The following ZNF236 variants were observed in gnomAD, a reference collection of about 807,000 sequenced individuals.
ZNF236 encodes zinc finger protein 236, also known as regulated by glucose.
Under a neutral mutation model 191.2 loss-of-function variants are expected in ZNF236, and 50 were observed. That is an observed-to-expected ratio of 0.26 (90% CI 0.21 to 0.33). The LOEUF (loss-of-function observed/expected upper bound fraction) is 0.33, where lower values mean the gene tolerates loss of function less well. Ranked by LOEUF, ZNF236 falls within the 10% of genes least tolerant of loss-of-function variation. The pLI, the probability that ZNF236 is intolerant of heterozygous loss-of-function variation, is 1.00. For missense variants in ZNF236, 1,754 were observed against 2,374.5 expected (o/e 0.74, Z 5.43); for synonymous variants, 907 against 928.8 (o/e 0.98, Z 0.43).
intron 25 of ZNF236, among the ~76,000 whole-genome samples, chr18:76,933,363 G>A (rs1334421551): frequency 3.3e-5 from 5 of 151,836 alleles, no homozygotes; most frequent in African/African-American, 9.7e-5. Flanking sequence ...CCAGCTACTC[G>A]GGAGGCTGAG....
chr18:76,915,623 T>G (rs1158287275), intron 18 of ZNF236, 24 bp from the exon 19 acceptor site: 1 of 1,610,334 alleles, frequency 6.2e-7, no homozygotes, highest in East Asian at 2.2e-5. Context: ...GTTCCAGCCG[T>G]TTTTTCTGTT....
chr18:76,919,682 C>T lies in ZNF236; in HGVS notation c.3275-94C>T, dbSNP rs957457100. The T allele has an allele frequency of 2.1e-6, 3 of 1,406,308 alleles. No individual in the cohort carries two copies. The highest frequency in any genetic ancestry group is 2.1e-5 in the Admixed American group (1 of 48,482). 87.1% of individuals were successfully genotyped at this position (1,406,308 alleles called of 1,614,324 possible). ...ATAGCTTGGTTGAGTTATTAATTTT[C>T]ATTACATACATACCTATTTAGTTTT... On this transcript the variant is annotated intron_variant, in intron 19 of 30. Transcript: ENST00000320610. This position sits in a 1 kb window ranked among gnomAD's most constrained non-coding sequence, Gnocchi z 5.3.
chr18:76,948,322 A>G (rs954328238), intron 27 of ZNF236, among the ~76,000 whole-genome samples: 2 of 152,206 alleles, frequency 1.3e-5, no homozygotes, highest in African/African-American at 2.4e-5. Context: ...TCTGTAGAAC[A>G]AGGGCTTTTT....
Position 76,875,764 on chromosome 18 carries a change from A to T in ZNF236, c.840+100A>T. The T allele has an allele frequency of 8.0e-7, 1 of 1,248,930 alleles. No homozygotes were observed. 77.4% of individuals were successfully genotyped at this position (1,248,930 alleles called of 1,614,324 possible). On this transcript the variant is annotated intron_variant, in intron 6 of 30. Transcript: ENST00000320610. The surrounding 1 kb of genome is among the most constrained non-coding windows in gnomAD (Gnocchi z 4.3). ...GAGAAATTCTTTTCCATTTAAAAAA[A>T]TGCAGATTGATTTTGTGCCGAGCAG...
intron 1 of ZNF236, among the ~76,000 whole-genome samples, chr18:76,836,847 G>A (rs1379007394): frequency 1.3e-5 from 2 of 151,692 alleles, no homozygotes; most frequent in South Asian, 2.1e-4. Context: ...AAAGTGCGGG[G>A]ATTACAGGCG....
intron 26 of ZNF236, among the ~76,000 whole-genome samples, chr18:76,937,933 T>C (rs1339953259): frequency 6.6e-6 from 1 of 152,222 alleles, no homozygotes; most frequent in African/African-American, 2.4e-5. Context: ...AGGTGAATTA[T>C]AACAAAGCTA....
chr18:76,905,094 G>A, intron 12 of ZNF236, 61 bp from the exon 13 acceptor site: 1 of 1,489,582 alleles, frequency 6.7e-7, no homozygotes, highest in Admixed American at 2.1e-5. Flanking sequence ...GTGCATTCTA[G>A]TCACAAAGCA....
At position 76,927,070 on chromosome 18, in the gene ZNF236, G is replaced by C; in HGVS notation, c.4061G>C (p.Gly1354Ala). The C allele has an allele frequency of 6.2e-7, 1 of 1,613,576 alleles. No homozygotes were observed. The highest frequency in any genetic ancestry group is 1.1e-5 in the South Asian group (1 of 91,054). Residue 1354 changes from glycine (G) to alanine (A), a missense_variant, in exon 23 of 31, where the codon GGG becomes GCG. Gly to Ala is a moderately conservative substitution (Grantham distance 60, BLOSUM62 0). Around this residue, in one of 5 missense-constraint regions of ZNF236, gnomAD observed 606 missense variants for 761.5 expected, o/e 0.80. Transcript: ENST00000320610. The surrounding 1 kb of genome is among the most constrained non-coding windows in gnomAD (Gnocchi z 5.4). ...GGDLTVSLTD[G>A]SLATLEGIQL... ...GACCTGACCGTGTCTCTGACAGATG[G>C]GAGCCTGGCTACCCTAGAAGGCATC...
At position 76,901,935 on chromosome 18, in the gene ZNF236, C is replaced by T. The variant is rs73488908; in HGVS notation, c.1895-2445C>T. On this transcript the variant is annotated intron_variant, in intron 11 of 30. Transcript: ENST00000320610. Reference sequence around the variant, plus strand: ...GCTGCTCACAAAATGAAGCAACAGACCGGTTTCTTCTTTCAGGTTGCCGTA... The same window carrying T: ...GCTGCTCACAAAATGAAGCAACAGATCGGTTTCTTCTTTCAGGTTGCCGTA... Among the ~76,000 whole-genome samples the T allele has an allele frequency of 8.2e-3, 1,245 of 152,270 alleles. 16 individuals are homozygous for T. The highest frequency in any genetic ancestry group is 0.028 in the African/African-American group (1,167 of 41,542).
chr18:76,928,281 G>T (rs1450610126), intron 25 of ZNF236, among the ~76,000 whole-genome samples, 175 bp downstream of exon 25: 2 of 152,144 alleles, frequency 1.3e-5, no homozygotes, highest in Non-Finnish European at 2.9e-5. Context: ...TTCAGATCTG[G>T]CACCAGAAAT....
chr18:76,856,787 T>C (rs1244002582), intron 3 of ZNF236, among the ~76,000 whole-genome samples: 1 of 152,270 alleles, frequency 6.6e-6, no homozygotes, highest in Non-Finnish European at 1.5e-5. Flanking sequence ...TCATTATTTT[T>C]CTCTTCCTGG....
intron 26 of ZNF236, among the ~76,000 whole-genome samples, chr18:76,937,798 A>G (rs115696114): frequency 3.4e-3 from 523 of 152,312 alleles, no homozygotes; most frequent in African/African-American, 0.012. Flanking sequence ...ATGAATTCCT[A>G]CCAGTAGAAG....
At chr18:76,848,953 G>A (rs1599328285) in intron 1 of ZNF236, among the ~76,000 whole-genome samples, 2 of 152,190 alleles carry the variant, frequency 1.3e-5, no homozygotes, top group South Asian at 2.1e-4. Context: ...GCCACTGTGC[G>A]TGGCAGTTTT....
chr18:76,886,224 A>G (rs549486414), intron 9 of ZNF236: 5 of 152,290 alleles, frequency 3.3e-5, no homozygotes, highest in African/African-American at 9.6e-5. Flanking sequence ...TATTGAGAAT[A>G]TCCTCAGTGA....
chr18:76,965,997 G>A (rs1397177675), intron 30 of ZNF236, among the ~76,000 whole-genome samples: 1 of 152,162 alleles, frequency 6.6e-6, no homozygotes, highest in Non-Finnish European at 1.5e-5. Context: ...TAGAGAAGGA[G>A]CATTGGGTGG....
chr18:76,848,859 G>GT (rs1403029678), intron 1 of ZNF236, among the ~76,000 whole-genome samples: 17 of 152,162 alleles, frequency 1.1e-4, no homozygotes, highest in Non-Finnish European at 2.2e-4. Flanking sequence ...GGGTCTCACT[G>GT]TGTTGCTCAG....
rs1976679730 is a variant in ZNF236, at chr18:76,875,214, T to C, written c.668-278T>C. Among the ~76,000 whole-genome samples, 1 of 151,120 alleles carries C rather than the reference T, an allele frequency of 6.6e-6. No individual in the cohort carries two copies. The highest frequency in any genetic ancestry group is 2.4e-5 in the African/African-American group (1 of 41,362). ...AGATAAGGATGACTCCAAGGTTTTT[T>C]GCCTGATCCCCTGGAAGGATGGCAT... On this transcript the variant is annotated intron_variant, in intron 5 of 30. Coordinates refer to ENST00000320610, the MANE Select transcript of ZNF236 (RefSeq NM_001306089.2). This position sits in a 1 kb window ranked among gnomAD's most constrained non-coding sequence, Gnocchi z 4.3.
chr18:76,922,430 A>G (rs997500708), intron 20 of ZNF236, among the ~76,000 whole-genome samples: 1 of 152,092 alleles, frequency 6.6e-6, no homozygotes, highest in Non-Finnish European at 1.5e-5. Context: ...ACAGCTTTGC[A>G]TATGGTTTTT....
intron 3 of ZNF236, among the ~76,000 whole-genome samples, chr18:76,862,030 G>A (rs1176040497): frequency 6.6e-6 from 1 of 151,994 alleles, no homozygotes. Flanking sequence ...CGCCCGGCTA[G>A]TTTTTTGTAT....
Sources: allele counts gnomAD v4.1 joint callset (sites outside exome capture counted in the v4.1 genomes callset), GRCh38; gene constraint gnomAD v4.1.1; regional missense constraint gnomAD v4.1.1; non-coding constraint Gnocchi (gnomAD v3.1); transcripts MANE v1.5; gene names NCBI Gene and HGNC (gene_info 2026-07-23, HGNC 2026-07-21).